FMNL2: variants seen among roughly 807,000 people sequenced by gnomAD.
FMNL2 encodes the protein formin like 2.
Under a neutral mutation model 130.2 loss-of-function variants are expected in FMNL2, and 51 were observed. The ratio of observed to expected loss-of-function variants is 0.39; its 90% CI spans 0.31 to 0.49. FMNL2 has a LOEUF of 0.49. Ranked by LOEUF, FMNL2 falls within the 20% of genes least tolerant of loss-of-function variation. FMNL2 has a pLI of 0.85. For missense variants in FMNL2, 977 were observed against 1,316.2 expected (o/e 0.74, Z 3.99); for synonymous variants, 465 against 467.1 (o/e 1.00, Z 0.06).
chr2:152,622,272 A>G (rs956157333), intron 15 of FMNL2, among the ~76,000 whole-genome samples: 3 of 152,190 alleles, frequency 2.0e-5, no homozygotes, highest in Non-Finnish European at 2.9e-5. Context: ...TGGAATGCCT[A>G]GCACAGTTCA....
intron 1 of FMNL2, among the ~76,000 whole-genome samples, chr2:152,501,955 T>C (rs2105326203): frequency 6.6e-6 from 1 of 152,340 alleles, no homozygotes; most frequent in East Asian, 1.9e-4. Flanking sequence ...GTAGCAAGTA[T>C]GGAAAGGAAC....
At chr2:152,505,111 G>A (rs1401809374) in intron 1 of FMNL2, among the ~76,000 whole-genome samples, 1 of 151,842 alleles carries the variant, frequency 6.6e-6, no homozygotes, top group African/African-American at 2.4e-5. Context: ...ACACGAGTCT[G>A]CTCATTCTTT....
intron 25 of FMNL2, among the ~76,000 whole-genome samples, chr2:152,645,861 T>C (rs895083276): frequency 6.6e-6 from 1 of 152,152 alleles, no homozygotes; most frequent in South Asian, 2.1e-4. Flanking sequence ...CAGGTAACAT[T>C]ACAGCCTTTG....
intron 6 of FMNL2, among the ~76,000 whole-genome samples, chr2:152,567,193 A>G (rs973114398): frequency 1.3e-5 from 2 of 152,222 alleles, no homozygotes; most frequent in Non-Finnish European, 2.9e-5. Flanking sequence ...AGCCCCCCCA[A>G]TAGCAAATGC....
intron 1 of FMNL2, among the ~76,000 whole-genome samples, chr2:152,416,962 G>A (rs751818581): frequency 1.1e-4 from 17 of 152,128 alleles, no homozygotes; most frequent in Non-Finnish European, 1.6e-4. Context: ...CTAGATTAGT[G>A]GACTGTTCCA....
At chr2:152,505,140 A>C (rs1181722377) in intron 1 of FMNL2, among the ~76,000 whole-genome samples, 2 of 131,084 alleles carry the variant, frequency 1.5e-5, no homozygotes, top group African/African-American at 2.8e-5. Flanking sequence ...ATATTTACTA[A>C]GTCAGAAGAT....
At chr2:152,560,745 C>T in intron 5 of FMNL2, 138 bp from the exon 6 acceptor site, 4 of 702,824 alleles carry the variant, frequency 5.7e-6, no homozygotes, top group Admixed American at 3.5e-5. Context: ...ATTATATTTC[C>T]TTTCCAGTTT....
intron 9 of FMNL2, among the ~76,000 whole-genome samples, chr2:152,600,168 A>G (rs559753474): frequency 1.3e-4 from 20 of 152,326 alleles, no homozygotes; most frequent in African/African-American, 3.1e-4. Flanking sequence ...GTTCTCAGGC[A>G]GGCCCCGAGA....
chr2:152,561,682 TC>T (rs1695540301), intron 6 of FMNL2, among the ~76,000 whole-genome samples: 1 of 151,914 alleles, frequency 6.6e-6, no homozygotes, highest in African/African-American at 2.4e-5. Context: ...CAAGCGATTC[TC>T]CTGCCTCAGC....
chr2:152,403,948 G>C (rs1436367272), intron 1 of FMNL2, among the ~76,000 whole-genome samples: 1 of 152,154 alleles, frequency 6.6e-6, no homozygotes. Flanking sequence ...AGCCCCTGTA[G>C]TCCCAGCTTC....
At chr2:152,631,403 A>G (rs1048932251) in intron 20 of FMNL2, among the ~76,000 whole-genome samples, 13 of 151,656 alleles carry the variant, frequency 8.6e-5, no homozygotes, top group African/African-American at 3.1e-4. Flanking sequence ...AAAAAAAAAA[A>G]AAAAAAAAAA....
rs112922605 is a variant in FMNL2, at chr2:152,376,173, G to A, written c.117+40453G>A. On this transcript the variant is annotated intron_variant, in intron 1 of 25. Transcript: ENST00000288670. ...ACCTCCCAAAGTGCTGGGATTACAG[G>A]CATGAGCCACTGTGTCCAGCCACTA... Among the ~76,000 whole-genome samples the A allele has an allele frequency of 3.6e-4, 55 of 152,200 alleles. 1 individual carries two copies. Among genetic ancestry groups the A allele is most frequent in the African/African-American group, 1.3e-3 (52 of 41,540 alleles).
At chr2:152,637,240 G>A (rs767694037) in intron 22 of FMNL2, among the ~76,000 whole-genome samples, 2 of 152,168 alleles carry the variant, frequency 1.3e-5, no homozygotes, top group African/African-American at 4.8e-5. Flanking sequence ...GTTCTGCCAC[G>A]GCCTTTGGAA....
intron 10 of FMNL2, 40 bp from the exon 11 acceptor site, chr2:152,611,455 A>C: frequency 8.3e-7 from 1 of 1,203,768 alleles, no homozygotes; most frequent in Non-Finnish European, 1.2e-6. Context: ...CTGAGAAAAA[A>C]GTTTGGAGCC....
rs114887231 is a variant in FMNL2 at position 152,490,367 on chromosome 2, G to A, written c.118-31576G>A. On this transcript the variant is annotated intron_variant, in intron 1 of 25. Transcript: ENST00000288670. Reference sequence around the variant, plus strand: ...TGTGTTCATTTTGTCTTTGAAAATCGTAAGTGTACAGCATCATTCTCGGGC... The same window carrying A: ...TGTGTTCATTTTGTCTTTGAAAATCATAAGTGTACAGCATCATTCTCGGGC... Among the ~76,000 whole-genome samples, 1,388 of 152,196 alleles carry A rather than the reference G, an allele frequency of 9.1e-3. 25 individuals carry two copies. The highest frequency in any genetic ancestry group is 0.031 in the African/African-American group (1,304 of 41,504).
At chr2:152,562,600 T>C (rs1480412886) in intron 6 of FMNL2, among the ~76,000 whole-genome samples, 1 of 152,212 alleles carries the variant, frequency 6.6e-6, no homozygotes, top group Non-Finnish European at 1.5e-5. Context: ...TGTTAATGGG[T>C]TTGGAATGAA....
At chr2:152,591,024 T>TTTTTTTTTTTG (rs1558989613) in intron 9 of FMNL2, among the ~76,000 whole-genome samples, 8 of 94,954 alleles carry the variant, frequency 8.4e-5, no homozygotes, top group Non-Finnish European at 9.9e-5. Context: ...TTTTTTTTTT[T>TTTTTTTTTTTG]GAGACAGCAT....
chr2:152,485,215 G>T (rs181785548), intron 1 of FMNL2, among the ~76,000 whole-genome samples: 2 of 152,128 alleles, frequency 1.3e-5, no homozygotes, highest in African/African-American at 4.8e-5. Flanking sequence ...ATGCATGGCC[G>T]GGCACGGTGG....
intron 9 of FMNL2, among the ~76,000 whole-genome samples, chr2:152,599,660 G>T (rs893317590): frequency 2.6e-5 from 4 of 151,998 alleles, no homozygotes; most frequent in African/African-American, 7.2e-5. Flanking sequence ...TTTCACAAGG[G>T]TGTTTAGCAT....
Sources: allele counts gnomAD v4.1 joint callset (sites outside exome capture counted in the v4.1 genomes callset), GRCh38; gene constraint gnomAD v4.1.1; transcripts MANE v1.5; gene names NCBI Gene and HGNC (gene_info 2026-07-23, HGNC 2026-07-21).